ARAP2: variants seen among roughly 807,000 people sequenced by gnomAD.
The protein encoded by ARAP2 is ArfGAP with RhoGAP domain, ankyrin repeat and PH domain 2.
ARAP2 carries 148 observed loss-of-function variants against 194.5 expected under a neutral mutation model. The ratio of observed to expected loss-of-function variants is 0.76; its 90% CI spans 0.67 to 0.87. The LOEUF (loss-of-function observed/expected upper bound fraction) is 0.87. ARAP2 is among the 40% of genes least tolerant of loss of function. The pLI is 0.00. For missense variants in ARAP2, 2,128 were observed against 1,989.7 expected (o/e 1.07, Z -1.32); for synonymous variants, 695 against 683.5 (o/e 1.02, Z -0.26).
At chr4:36,055,780 T>A (rs1255821857) in intron 2 of ARAP2, among the ~76,000 whole-genome samples, 1 of 152,148 alleles carries the variant, frequency 6.6e-6, no homozygotes, top group Admixed American at 6.6e-5. Context: ...GCCAGGATGG[T>A]CTTGAACTCC....
chr4:36,221,738 G>GT (rs922169180), intron 2 of ARAP2, among the ~76,000 whole-genome samples: 5 of 152,100 alleles, frequency 3.3e-5, no homozygotes, highest in African/African-American at 1.2e-4. Context: ...AATATAGGAA[G>GT]TAAGTTGTTT....
chr4:36,007,821 TTAGAG>T (rs1457912276), intron 9 of ARAP2, among the ~76,000 whole-genome samples: 3 of 152,150 alleles, frequency 2.0e-5, no homozygotes, highest in South Asian at 4.1e-4. Flanking sequence ...GTCAGCCAGG[TTAGAG>T]TAAAGTGGCA....
chr4:36,235,762 G>T (rs1463687417), intron 1 of ARAP2, among the ~76,000 whole-genome samples: 2 of 152,190 alleles, frequency 1.3e-5, no homozygotes, highest in Admixed American at 6.5e-5. Flanking sequence ...TTCAAGCACA[G>T]ATTTCTCCAA....
chr4:36,017,417 G>T (rs1020453882), intron 6 of ARAP2, among the ~76,000 whole-genome samples: 9 of 151,292 alleles, frequency 5.9e-5, no homozygotes, highest in Non-Finnish European at 1.2e-4. Context: ...TGTATGTCAG[G>T]TCATGATGAG....
chr4:36,033,406 T>C (rs1300615192), intron 5 of ARAP2, among the ~76,000 whole-genome samples: 1 of 152,152 alleles, frequency 6.6e-6, no homozygotes, highest in East Asian at 1.9e-4. Flanking sequence ...ATCAGTGATG[T>C]TGAGCTTTTT....
At chr4:36,046,648 A>G (rs1001626536) in intron 4 of ARAP2, 2 of 152,284 alleles carry the variant, frequency 1.3e-5, no homozygotes, top group African/African-American at 2.4e-5. Context: ...GTTGTATGTA[A>G]GAGGAGCAGG....
chr4:36,152,405 C>T (rs1560539773), intron 15 of ARAP2, among the ~76,000 whole-genome samples: 1 of 151,944 alleles, frequency 6.6e-6, no homozygotes, highest in Non-Finnish European at 1.5e-5. Flanking sequence ...AAGGTAAAGT[C>T]AAAATACGAA....
rs1725726620 is a variant in ARAP2, at chr4:36,067,421, C to T, written c.*486G>A. ...TTAGGCAGCCACTACAATAAATTCT[C>T]CCCCCTTTTTCAATTTACTTCCCTT... On this transcript the variant is annotated 3_prime_UTR_variant, in exon 33 of 33. Transcript: ENST00000303965. 1 of 152,578 alleles carries T rather than the reference C, an allele frequency of 6.6e-6. No individual in the cohort carries two copies. Among genetic ancestry groups the T allele is most frequent in the Non-Finnish European group, 1.5e-5 (1 of 68,046 alleles). The allele number at this position is 152,578 out of a possible 1,614,324, so 9.5% of individuals were successfully genotyped here.
At chr4:36,026,821 C>A (rs1717994039) in intron 5 of ARAP2, among the ~76,000 whole-genome samples, 1 of 152,238 alleles carries the variant, frequency 6.6e-6, no homozygotes, top group Admixed American at 6.5e-5. Flanking sequence ...GAATTTTCTG[C>A]TCAATGTTGA....
chr4:36,078,271 A>C (rs560095899), intron 31 of ARAP2, among the ~76,000 whole-genome samples: 66 of 152,246 alleles, frequency 4.3e-4, no homozygotes, highest in African/African-American at 1.5e-3. Context: ...GTGGAGAAGT[A>C]CGGGATGCTA....
chr4:36,053,913 C>T (rs932062843), intron 2 of ARAP2, among the ~76,000 whole-genome samples: 1 of 152,032 alleles, frequency 6.6e-6, no homozygotes, highest in Non-Finnish European at 1.5e-5. Flanking sequence ...CAATACCAGC[C>T]GTGTAGTAGA....
At chr4:36,111,149 T>C (rs1719886576) in intron 26 of ARAP2, among the ~76,000 whole-genome samples, 1 of 151,972 alleles carries the variant, frequency 6.6e-6, no homozygotes, top group Non-Finnish European at 1.5e-5. Context: ...AATTTATATA[T>C]TCATTCATTC....
chr4:36,058,756 C>G (rs1723934428), intron 1 of ARAP2, among the ~76,000 whole-genome samples: 1 of 152,134 alleles, frequency 6.6e-6, no homozygotes, highest in Non-Finnish European at 1.5e-5. Context: ...AGTGGTTAAT[C>G]TAAGACTTTG....
intron 32 of ARAP2, among the ~76,000 whole-genome samples, chr4:36,071,109 T>G (rs1726759360): frequency 6.6e-6 from 1 of 152,224 alleles, no homozygotes; most frequent in Admixed American, 6.5e-5. Context: ...GATATTGCTG[T>G]TAAAATAGCA....
chr4:36,005,431 C>T (rs963005224), intron 10 of ARAP2: 3 of 151,866 alleles, frequency 2.0e-5, no homozygotes, highest in African/African-American at 7.3e-5. Flanking sequence ...TATGAAGAGG[C>T]TTATAATTTT....
chr4:36,007,078 T>C lies in ARAP2; in HGVS notation n.1326-32A>G, dbSNP rs558627895. The C allele has an allele frequency of 2.6e-5, 4 of 152,162 alleles. No individual in the cohort carries two copies. The East Asian group carries it at 7.7e-4, about 29-fold the overall frequency. The allele number at this position is 152,162 out of a possible 1,614,324, so 9.4% of individuals were successfully genotyped here. A position where few individuals can be genotyped will look rare whatever the true frequency, so the allele number is the denominator to read the frequency against. The stretch of plus-strand genomic sequence containing the variant: ...AAGGAAAAAAAGAGAGAGAGTTACA[T>C]AAAACTAAAATTAGCACTATAGCTG... On this transcript the variant is annotated intron_variant and non_coding_transcript_variant, in intron 9 of 12. Coordinates refer to the ARAP2 transcript ENST00000503225.
At chr4:36,216,970 T>C (rs1156922897) in intron 2 of ARAP2, among the ~76,000 whole-genome samples, 4 of 152,196 alleles carry the variant, frequency 2.6e-5, no homozygotes, top group Admixed American at 2.6e-4. Flanking sequence ...ATTATATTCT[T>C]ACAGGACCAA....
At chr4:36,094,869 T>C (rs1014759262) in intron 27 of ARAP2, among the ~76,000 whole-genome samples, 6 of 152,146 alleles carry the variant, frequency 3.9e-5, no homozygotes, top group African/African-American at 1.4e-4. Flanking sequence ...TTATGAAACT[T>C]ATCCAAGGCA....
At chr4:36,177,618 T>C (rs1007351666) in intron 9 of ARAP2, among the ~76,000 whole-genome samples, 3 of 152,162 alleles carry the variant, frequency 2.0e-5, no homozygotes, top group Non-Finnish European at 2.9e-5. Context: ...AAAGGTGATG[T>C]CCAGTTTCAA....
Sources: gnomAD v4.1 joint callset for allele counts (sites outside exome capture counted in the v4.1 genomes callset) on GRCh38, gnomAD v4.1.1 for gene constraint, MANE v1.5 for transcripts, NCBI Gene and HGNC (gene_info 2026-07-23, HGNC 2026-07-21) for gene names.